SCML2: variants seen among roughly 807,000 people sequenced by gnomAD.
SCML2 encodes sex comb on midleg-like protein 2.
SCML2 carries 6 observed loss-of-function variants against 48.4 expected under a neutral mutation model. The observed-to-expected ratio is 0.12, with a 90% CI of 0.07 to 0.24. The LOEUF is 0.24. SCML2 is among the 10% of genes least tolerant of loss of function. SCML2 has a pLI of 1.00. For synonymous variants in SCML2, 181 were observed against 189.5 expected (o/e 0.95, Z 0.37); for missense variants, 377 against 528.2 (o/e 0.71, Z 2.81).
intron 7 of SCML2, among the ~76,000 whole-genome samples, chrX:18,304,701 A>G (rs1489364706): frequency 8.9e-6 from 1 of 112,178 alleles, no homozygotes; most frequent in Non-Finnish European, 1.9e-5. Context: ...TTATAGCAAC[A>G]AGACCTCAAT....
At position 18,258,129 on chromosome X, in the gene SCML2, C is replaced by T; in HGVS notation, c.1188G>A (p.Val396=). The stretch of plus-strand genomic sequence containing the variant: ...CAAGGGCACAATCCACACAGGCCTG[C>T]ACAATCCGGCGAAGCACCACATTCA... ...GPVNVVLRRI[V]QACVDCALET... Residue 396 remains valine (V), a synonymous_variant, in exon 10 of 15, where the codon GTG becomes GTA. Transcript: ENST00000251900. 8.3e-7 allele frequency: 1 copy of T among 1,211,602 alleles called. No homozygotes were observed. The highest frequency in any genetic ancestry group is 1.1e-6 in the Non-Finnish European group (1 of 895,256).
intron 5 of SCML2, among the ~76,000 whole-genome samples, chrX:18,320,926 G>A (rs946012797): frequency 5.4e-5 from 6 of 111,235 alleles, no homozygotes; most frequent in Non-Finnish European, 1.1e-4. Context: ...ATATTGACTC[G>A]TTAATGATAT....
intron 6 of SCML2, among the ~76,000 whole-genome samples, chrX:18,319,021 T>A (rs1208472869): frequency 9.0e-6 from 1 of 111,722 alleles, no homozygotes; most frequent in African/African-American, 3.3e-5. Context: ...GAGGAACAAA[T>A]TGGACACGAA....
At chrX:18,319,597 AAAAAAAAAAAC>A (rs1488941285) in intron 6 of SCML2, among the ~76,000 whole-genome samples, 2 of 106,853 alleles carry the variant, frequency 1.9e-5, no homozygotes, top group African/African-American at 6.9e-5. Context: ...CTCTGTCTCA[AAAAAAAAAAAC>A]AAAAAAAAAA....
At chrX:18,326,412 G>A (rs994611231) in intron 3 of SCML2, among the ~76,000 whole-genome samples, 2 of 110,818 alleles carry the variant, frequency 1.8e-5, no homozygotes, top group Non-Finnish European at 3.8e-5. Context: ...GGCCAGGTGC[G>A]GTGGCTCTGT....
At chrX:18,256,407 G>T (rs1926844589) in intron 11 of SCML2, among the ~76,000 whole-genome samples, 1 of 111,507 alleles carries the variant, frequency 9.0e-6, no homozygotes, top group Admixed American at 9.5e-5. Context: ...AGCCGAGATT[G>T]TGCCACTACA....
At chrX:18,353,392 C>T (rs1052871588) in intron 1 of SCML2, among the ~76,000 whole-genome samples, 8 of 111,786 alleles carry the variant, frequency 7.2e-5, no homozygotes, top group Non-Finnish European at 1.5e-4. Flanking sequence ...ATATGAATAG[C>T]TCTGGGGGCA....
At chrX:18,307,435 A>G (rs1928792255) in intron 6 of SCML2, among the ~76,000 whole-genome samples, 1 of 111,820 alleles carries the variant, frequency 8.9e-6, no homozygotes, top group African/African-American at 3.2e-5. Flanking sequence ...AGAAGAAAAT[A>G]GTGGGGAGGT....
chrX:18,324,877 T>C (rs751615951), intron 4 of SCML2, 30 bp downstream of exon 4: 1 of 1,085,386 alleles, frequency 9.2e-7, no homozygotes, highest in Non-Finnish European at 1.3e-6. Flanking sequence ...ATAGTTTACA[T>C]TAACTAACAG....
intron 6 of SCML2, among the ~76,000 whole-genome samples, chrX:18,305,454 G>A (rs906560190): frequency 3.6e-5 from 4 of 111,174 alleles, no homozygotes; most frequent in Admixed American, 9.6e-5. Flanking sequence ...AAAACCAGCC[G>A]GGTTCATTCA....
intron 7 of SCML2, among the ~76,000 whole-genome samples, chrX:18,303,613 C>G (rs778081693): frequency 9.1e-6 from 1 of 110,217 alleles, no homozygotes; most frequent in Non-Finnish European, 1.9e-5. Context: ...TTTTACAAAT[C>G]TATGCCTCCA....
At chrX:18,254,872 CGA>C (rs1926785069) in intron 11 of SCML2, among the ~76,000 whole-genome samples, 1 of 111,214 alleles carries the variant, frequency 9.0e-6, no homozygotes, top group South Asian at 3.8e-4. Flanking sequence ...TGCAGCGAGC[CGA>C]GATGGTGTCA....
intron 7 of SCML2, among the ~76,000 whole-genome samples, chrX:18,270,884 T>G (rs1160450849): frequency 2.7e-5 from 3 of 111,817 alleles, no homozygotes; most frequent in East Asian, 5.6e-4. Context: ...AAAAGTTATG[T>G]GAAATATAAA....
Position 18,247,814 on chromosome X carries a change from G to A in SCML2, c.1525C>T (p.Pro509Ser). The A allele has an allele frequency of 3.3e-6, 4 of 1,210,692 alleles. No homozygotes were observed. The highest frequency in any genetic ancestry group is 4.5e-6 in the Non-Finnish European group (4 of 894,547). ...GTTTTGGGGAGCTTAGGAGAGAGAG[G>A]AACAACATATGGTACAGTTTGCTGA... ...SPQQTVPYVVPLSPKLPKTKE... is the reference protein window; with the variant it reads ...SPQQTVPYVVSLSPKLPKTKE... Residue 509 changes from proline to serine, a missense_variant, in exon 12 of 15, where the codon CCT becomes TCT. Physicochemically the swap from Pro to Ser is moderately conservative, Grantham distance 74. Coordinates refer to ENST00000251900, the MANE Select transcript of SCML2 (RefSeq NM_006089.3).
At chrX:18,243,773 C>T (rs1454221060) in intron 13 of SCML2, among the ~76,000 whole-genome samples, 1 of 111,783 alleles carries the variant, frequency 8.9e-6, no homozygotes, top group African/African-American at 3.3e-5. Context: ...AAATCTGTGT[C>T]CTGACAAGTA....
chrX:18,340,472 T>C (rs1456483135), intron 1 of SCML2, among the ~76,000 whole-genome samples: 1 of 112,044 alleles, frequency 8.9e-6, no homozygotes, highest in South Asian at 3.7e-4. Flanking sequence ...ATTCTTAAGA[T>C]TGACGCTCAG....
chrX:18,253,104 G>C (rs1188125156), intron 11 of SCML2, among the ~76,000 whole-genome samples: 1 of 111,836 alleles, frequency 8.9e-6, no homozygotes, highest in African/African-American at 3.2e-5. Flanking sequence ...CCCTGAAGAA[G>C]GGAAGTACAA....
At chrX:18,337,601 G>C (rs757118082) in intron 1 of SCML2, among the ~76,000 whole-genome samples, 11 of 110,874 alleles carry the variant, frequency 9.9e-5, no homozygotes, top group Admixed American at 9.7e-4. Context: ...CCTAACAAGA[G>C]AGCATCAAAA....
At chrX:18,326,351 C>A (rs1440012895) in intron 3 of SCML2, among the ~76,000 whole-genome samples, 4 of 111,646 alleles carry the variant, frequency 3.6e-5, no homozygotes, top group Non-Finnish European at 7.5e-5. Context: ...GCAAGCACTA[C>A]CAGCATTGAA....
Sources: gnomAD v4.1 joint callset for allele counts (sites outside exome capture counted in the v4.1 genomes callset) on GRCh38, gnomAD v4.1.1 for gene constraint, MANE v1.5 for transcripts, NCBI Gene and HGNC (gene_info 2026-07-23, HGNC 2026-07-21) for gene names.